Variants in PI4K2A observed in about 807,000 individuals in gnomAD.
The protein encoded by PI4K2A is phosphatidylinositol 4-kinase type 2 alpha.
Under a neutral mutation model 55.0 loss-of-function variants are expected in PI4K2A, and 20 were observed. That is an observed-to-expected ratio of 0.36 (90% CI 0.26 to 0.53). The LOEUF (loss-of-function observed/expected upper bound fraction) is 0.53. Ranked by LOEUF, PI4K2A falls within the 20% of genes least tolerant of loss-of-function variation. The pLI, the probability that PI4K2A is intolerant of heterozygous loss-of-function variation, is 0.91. For missense variants in PI4K2A, 463 were observed against 637.1 expected (o/e 0.73, Z 2.94); for synonymous variants, 235 against 258.5 (o/e 0.91, Z 0.87).
rs1331165232 is a variant in PI4K2A at position 97,664,836 on chromosome 10, C to T, written c.985-49C>T. The T allele has an allele frequency of 5.6e-6, 7 of 1,250,882 alleles. No individual in the cohort carries two copies. In the Middle Eastern group the frequency reaches 6.4e-4, roughly 113 times the overall value. The allele number at this position is 1,250,882 out of a possible 1,614,324, so 77.5% of individuals were successfully genotyped here. A position where few individuals can be genotyped will look rare whatever the true frequency, so the allele number is the denominator to read the frequency against. ...GTTGCTTTGCTACTAATTGGAAGGG[C>T]CTGAGGGAGATGGGTTTCCTCAGTC... On this transcript the variant is annotated intron_variant, in intron 5 of 8. Transcript: ENST00000370631.
At chr10:97,655,604 CCT>C (rs2041550405) in intron 2 of PI4K2A, among the ~76,000 whole-genome samples, 1 of 151,702 alleles carries the variant, frequency 6.6e-6, no homozygotes, top group South Asian at 2.1e-4. Context: ...ACAGAGTCTC[CCT>C]CTGTCACCCA....
chr10:97,641,081 G>A, exon 1 of PI4K2A: 1 of 1,608,056 alleles, frequency 6.2e-7, no homozygotes, highest in Admixed American at 1.7e-5. Flanking sequence ...TCGAGGCGGT[G>A]GTGCGGCAGG....
chr10:97,672,996 G>GT (rs1564778071), intron 8 of PI4K2A, among the ~76,000 whole-genome samples: 1 of 143,592 alleles, frequency 7.0e-6, no homozygotes. Context: ...TTTTCTTTTT[G>GT]TTTTTTGAGA....
chr10:97,642,806 TCTTC>T (rs1183100302), intron 1 of PI4K2A, among the ~76,000 whole-genome samples: 3,401 of 105,154 alleles, frequency 0.032, 315 homozygotes, highest in Non-Finnish European at 0.042. Context: ...GCTTTCTCTT[TCTTC>T]CTTCCTTCCT....
intron 4 of PI4K2A, among the ~76,000 whole-genome samples, chr10:97,662,024 T>G (rs931212382): frequency 1.3e-5 from 2 of 151,854 alleles, no homozygotes; most frequent in African/African-American, 4.8e-5. Flanking sequence ...GCTAATCTTA[T>G]TTACAATTTG....
At chr10:97,657,899 G>A (rs759897722) in intron 4 of PI4K2A, among the ~76,000 whole-genome samples, 65 of 124,068 alleles carry the variant, frequency 5.2e-4, no homozygotes, top group African/African-American at 1.7e-3. Flanking sequence ...GCAATGGTGC[G>A]ATCTCAGCTC....
intron 1 of PI4K2A, among the ~76,000 whole-genome samples, chr10:97,644,894 G>A (rs1223527296): frequency 2.6e-5 from 4 of 152,016 alleles, no homozygotes; most frequent in African/African-American, 9.7e-5. Flanking sequence ...AGCCACTTTT[G>A]GATCTTAGAC....
intron 6 of PI4K2A, among the ~76,000 whole-genome samples, chr10:97,665,576 G>A (rs1239140520): frequency 6.8e-6 from 1 of 146,970 alleles, no homozygotes; most frequent in Non-Finnish European, 1.5e-5. Context: ...GCCTGGCTGA[G>A]GGCTATTTAT....
intron 1 of PI4K2A, among the ~76,000 whole-genome samples, chr10:97,642,884 TCTTC>T (rs1246613020): frequency 0.016 from 1,527 of 96,772 alleles, 58 homozygotes; most frequent in East Asian, 0.041. Flanking sequence ...TTTCTTTCTT[TCTTC>T]CTTCCTTCCT....
At chr10:97,644,089 G>A (rs1042038439) in intron 1 of PI4K2A, among the ~76,000 whole-genome samples, 22 of 152,180 alleles carry the variant, frequency 1.4e-4, no homozygotes, top group African/African-American at 4.6e-4. Flanking sequence ...GGTGGCTCAC[G>A]CCTGTACTCT....
At chr10:97,642,397 CTTTTTTTTTTTCTTTTTT>C (rs1430205351) in intron 1 of PI4K2A, among the ~76,000 whole-genome samples, 4 of 144,564 alleles carry the variant, frequency 2.8e-5, no homozygotes, top group Non-Finnish European at 4.5e-5. Flanking sequence ...GTTTCTTTTT[CTTTTTTTTTTTCTTTTTT>C]TTTTGAGACA....
chr10:97,656,555 C>G lies in PI4K2A; in HGVS notation c.768+139C>G. 1 of 842,654 alleles carries G rather than the reference C, an allele frequency of 1.2e-6. No individual in the cohort carries two copies. The highest frequency in any genetic ancestry group is 1.8e-6 in the Non-Finnish European group (1 of 541,154). The allele number at this position is 842,654 out of a possible 1,614,324, so 52.2% of individuals were successfully genotyped here. On this transcript the variant is annotated intron_variant, in intron 3 of 8. Coordinates refer to ENST00000370631, the Ensembl canonical transcript of PI4K2A. This position sits in a 1 kb window ranked among gnomAD's most constrained non-coding sequence, Gnocchi z 4.5. The stretch of plus-strand genomic sequence containing the variant: ...AGGATCCTGTCTTCCTTATTTCTGT[C>G]AAGTGGCTAAGGTTTGAAAAGTTGA...
intron 5 of PI4K2A, among the ~76,000 whole-genome samples, chr10:97,663,407 A>G (rs1309656093): frequency 6.6e-6 from 1 of 152,088 alleles, no homozygotes; most frequent in Non-Finnish European, 1.5e-5. Context: ...CATTCCTTTC[A>G]TCCTCCACCA....
intron 5 of PI4K2A, among the ~76,000 whole-genome samples, chr10:97,663,940 T>C (rs2041598381): frequency 6.6e-6 from 1 of 151,834 alleles, no homozygotes; most frequent in Admixed American, 6.6e-5. Context: ...AGCAGTCCTC[T>C]CACCTCAGCC....
exon 1 of PI4K2A, chr10:97,640,714 G>T: frequency 1.4e-6 from 2 of 1,439,178 alleles, no homozygotes; most frequent in Non-Finnish European, 1.8e-6. Context: ...TGTGGAGCGC[G>T]CCGGGTCCCG....
chr10:97,655,974 C>T (rs897251212), intron 2 of PI4K2A, among the ~76,000 whole-genome samples: 1 of 152,206 alleles, frequency 6.6e-6, no homozygotes, highest in African/African-American at 2.4e-5. Flanking sequence ...GAGGTTCTTC[C>T]ATGGTGTGGC....
chr10:97,664,903 G>A (rs758838155), exon 6 of PI4K2A: 5 of 1,613,656 alleles, frequency 3.1e-6, no homozygotes, highest in Non-Finnish European at 4.2e-6. Flanking sequence ...CTGGGTGGTG[G>A]TGAAGGAGCC....
intron 8 of PI4K2A, among the ~76,000 whole-genome samples, chr10:97,669,721 C>T (rs908392394): frequency 6.6e-6 from 1 of 152,174 alleles, no homozygotes; most frequent in Admixed American, 6.5e-5. Context: ...GGTCATAACC[C>T]TGTCTACATA....
At chr10:97,673,931 G>A (rs987565621) in exon 9 of PI4K2A, 32 of 576,222 alleles carry the variant, frequency 5.6e-5, no homozygotes, top group African/African-American at 1.3e-4. Flanking sequence ...AGTGCTCCTC[G>A]CCCTTCTGAT....
Sources: allele counts gnomAD v4.1 joint callset (sites outside exome capture counted in the v4.1 genomes callset), GRCh38; gene constraint gnomAD v4.1.1; non-coding constraint Gnocchi (gnomAD v3.1); transcripts MANE v1.5; gene names NCBI Gene and HGNC (gene_info 2026-07-23, HGNC 2026-07-21).